The following CEP112 variants were observed in gnomAD, a reference collection of about 807,000 sequenced individuals.
The protein encoded by CEP112 is centrosomal protein of 112 kDa.
Under a neutral mutation model 153.0 loss-of-function variants are expected in CEP112, and 127 were observed. The ratio of observed to expected loss-of-function variants is 0.83; its 90% CI spans 0.72 to 0.96. The LOEUF (loss-of-function observed/expected upper bound fraction) is 0.96. CEP112 is among the 40% of genes least tolerant of loss of function. The pLI, the probability that CEP112 is intolerant of heterozygous loss-of-function variation, is 0.00. For missense variants in CEP112, 1,089 were observed against 1,101.2 expected (o/e 0.99, Z 0.16); for synonymous variants, 358 against 374.4 (o/e 0.96, Z 0.51).
intron 24 of CEP112, among the ~76,000 whole-genome samples, chr17:65,647,173 G>GTT (rs771331024): frequency 0.037 from 4,704 of 126,560 alleles, 292 homozygotes; most frequent in African/African-American, 0.097. Flanking sequence ...CTTGATTCTT[G>GTT]TTTTTTTTTT....
intron 12 of CEP112, 117 bp from the exon 13 acceptor site, chr17:66,030,140 A>T: frequency 1.3e-6 from 1 of 785,372 alleles, no homozygotes. Context: ...AATGTATCAT[A>T]AACCATGGTA....
chr17:65,912,721 A>T (rs2060334183), intron 19 of CEP112, among the ~76,000 whole-genome samples: 1 of 152,220 alleles, frequency 6.6e-6, no homozygotes, highest in South Asian at 2.1e-4. Context: ...CAGTTCAAAC[A>T]TTGTAAACTG....
intron 18 of CEP112, among the ~76,000 whole-genome samples, chr17:65,954,776 G>A (rs1278545021): frequency 1.3e-5 from 2 of 151,988 alleles, no homozygotes; most frequent in African/African-American, 4.8e-5. Flanking sequence ...AGAGCTCAAA[G>A]ACAAGGCTTT....
chr17:66,067,285 A>T (rs1271589638), intron 9 of CEP112, among the ~76,000 whole-genome samples: 1 of 152,168 alleles, frequency 6.6e-6, no homozygotes, highest in African/African-American at 2.4e-5. Flanking sequence ...GCAAATTGGC[A>T]TTGTAGTGAT....
chr17:66,052,030 AT>A (rs2066463652), intron 12 of CEP112, among the ~76,000 whole-genome samples: 1 of 152,202 alleles, frequency 6.6e-6, no homozygotes, highest in Non-Finnish European at 1.5e-5. Context: ...CACAAAGCCT[AT>A]TTTATAATGA....
chr17:66,046,392 GTGTT>G (rs1354245533), intron 12 of CEP112, among the ~76,000 whole-genome samples: 1 of 152,116 alleles, frequency 6.6e-6, no homozygotes, highest in Non-Finnish European at 1.5e-5. Context: ...CCATACTAGT[GTGTT>G]TAACTACTAA....
intron 6 of CEP112, among the ~76,000 whole-genome samples, chr17:66,128,409 T>C (rs1005343194): frequency 2.6e-5 from 4 of 152,130 alleles, no homozygotes; most frequent in African/African-American, 9.7e-5. Context: ...AATAGAACTT[T>C]CATAATCCCA....
At chr17:65,937,678 C>A (rs1256895888) in intron 18 of CEP112, among the ~76,000 whole-genome samples, 1 of 100,118 alleles carries the variant, frequency 1.0e-5, no homozygotes, top group Non-Finnish European at 2.1e-5. Context: ...CGCCTCTGCC[C>A]GGCCGCCCCT....
At chr17:66,048,633 A>T (rs1162494639) in intron 12 of CEP112, among the ~76,000 whole-genome samples, 1 of 152,128 alleles carries the variant, frequency 6.6e-6, no homozygotes, top group Non-Finnish European at 1.5e-5. Flanking sequence ...TTTTTGAGAC[A>T]GAGTCTCGCT....
intron 17 of CEP112, among the ~76,000 whole-genome samples, chr17:65,966,036 ATT>A (rs35072379): frequency 1.7e-4 from 26 of 151,114 alleles, no homozygotes; most frequent in Non-Finnish European, 3.5e-4. Flanking sequence ...AGGACTGAAG[ATT>A]TTTTTTTTCC....
At chr17:66,080,081 T>C (rs1330757698) in intron 8 of CEP112, among the ~76,000 whole-genome samples, 1 of 152,056 alleles carries the variant, frequency 6.6e-6, no homozygotes, top group Non-Finnish European at 1.5e-5. Flanking sequence ...GGCAATACCA[T>C]TCAGGATATA....
intron 19 of CEP112, among the ~76,000 whole-genome samples, chr17:65,916,350 G>T (rs2060491141): frequency 6.6e-6 from 1 of 150,762 alleles, no homozygotes; most frequent in Non-Finnish European, 1.5e-5. Context: ...TCCATCACAA[G>T]GGTAAAGACT....
intron 10 of CEP112, among the ~76,000 whole-genome samples, chr17:66,064,429 G>A (rs2067039759): frequency 6.6e-6 from 1 of 152,122 alleles, no homozygotes; most frequent in Non-Finnish European, 1.5e-5. Flanking sequence ...ACTGATTTAA[G>A]TGAAAATGTG....
At chr17:65,932,187 T>C (rs188272200) in intron 18 of CEP112, among the ~76,000 whole-genome samples, 20 of 152,198 alleles carry the variant, frequency 1.3e-4, no homozygotes, top group African/African-American at 4.8e-4. Flanking sequence ...AAGAACCCAA[T>C]AGCAAAATCT....
chr17:65,753,830 C>T (rs1184064717), intron 21 of CEP112, among the ~76,000 whole-genome samples: 4 of 152,138 alleles, frequency 2.6e-5, no homozygotes, highest in Admixed American at 2.6e-4. Context: ...GGTTACTTTT[C>T]CCTAAAAATG....
At chr17:65,665,346 C>A (rs975839259) in intron 24 of CEP112, among the ~76,000 whole-genome samples, 39 of 152,200 alleles carry the variant, frequency 2.6e-4, no homozygotes, top group Non-Finnish European at 1.5e-4. Flanking sequence ...CTTGCTATTG[C>A]AGACCCAGTA....
intron 6 of CEP112, among the ~76,000 whole-genome samples, chr17:66,107,448 G>T (rs992327696): frequency 1.3e-5 from 2 of 152,118 alleles, no homozygotes; most frequent in Middle Eastern, 3.4e-3. Flanking sequence ...CAGTAAAGTT[G>T]CAGAACACAA....
In CEP112 at chr17:66,129,755, C is replaced by A. The variant is rs1238891832; in HGVS notation, c.633G>T (p.Trp211Cys). 3 of 1,608,946 alleles carry A rather than the reference C, an allele frequency of 1.9e-6. No individual in the cohort carries two copies. Among genetic ancestry groups the A allele is most frequent in the Non-Finnish European group, 1.7e-6 (2 of 1,177,450 alleles). The change falls in exon 6 of 27, where the codon TGG (tryptophan) becomes TGT (cysteine). Residue 211 changes from tryptophan to cysteine, a missense_variant. Transcript: ENST00000535342. ...AAATACTTTTTTTTACCCCAAGATT[C>A]CAACTATTAAGGCGAGCTTCAATGT... ...DSDIEARLNSWNLGIENPRYL... is the reference protein window; with the variant it reads ...DSDIEARLNSCNLGIENPRYL...
chr17:66,166,895 C>T (rs2071986104), intron 4 of CEP112, among the ~76,000 whole-genome samples: 1 of 116,384 alleles, frequency 8.6e-6, no homozygotes. Flanking sequence ...CAGAGCAAGA[C>T]TCCATCTCAA....
Sources: gnomAD v4.1 joint callset for allele counts (sites outside exome capture counted in the v4.1 genomes callset) on GRCh38, gnomAD v4.1.1 for gene constraint, MANE v1.5 for transcripts, NCBI Gene and HGNC (gene_info 2026-07-23, HGNC 2026-07-21) for gene names.